RGS20: variants seen among roughly 807,000 people sequenced by gnomAD.
The protein encoded by RGS20 is gz-selective GTPase-activating protein.
RGS20 carries 30 observed loss-of-function variants against 33.6 expected under a neutral mutation model. The ratio of observed to expected loss-of-function variants is 0.89; its 90% CI spans 0.67 to 1.21. The LOEUF (loss-of-function observed/expected upper bound fraction) is 1.21, where lower values mean the gene tolerates loss of function less well. Ranked by LOEUF, RGS20 falls within the 50% of genes most tolerant of loss-of-function variation. RGS20 has a pLI of 0.00. For missense variants in RGS20, 472 were observed against 502.4 expected, an observed-to-expected ratio of 0.94 and a Z score of 0.58; for synonymous variants, 208 against 197.9, an observed-to-expected ratio of 1.05 and a Z score of -0.43.
At chr8:53,930,361 T>G (rs1813918524) in intron 2 of RGS20, among the ~76,000 whole-genome samples, 1 of 152,152 alleles carries the variant, frequency 6.6e-6, no homozygotes, top group Admixed American at 6.5e-5. Flanking sequence ...ATCAAAAATG[T>G]GCAAGACCTG....
chr8:53,953,456 G>A (rs1814768706), intron 4 of RGS20, among the ~76,000 whole-genome samples: 1 of 151,870 alleles, frequency 6.6e-6, no homozygotes, highest in South Asian at 2.1e-4. Context: ...AGTAAGTCGA[G>A]GCTTCAGTAA....
chr8:53,864,989 T>G (rs1811889304), intron 1 of RGS20, among the ~76,000 whole-genome samples: 1 of 152,168 alleles, frequency 6.6e-6, no homozygotes, highest in Non-Finnish European at 1.5e-5. Context: ...CAATGCCCGC[T>G]AACAAGTTCT....
chr8:53,957,315 A>G (rs1440108001), intron 5 of RGS20, among the ~76,000 whole-genome samples: 3 of 152,072 alleles, frequency 2.0e-5, no homozygotes, highest in Non-Finnish European at 4.4e-5. Context: ...TTTAGTAGAG[A>G]TGGGGTTTTG....
intron 1 of RGS20, among the ~76,000 whole-genome samples, chr8:53,852,820 C>G (rs1321966815): frequency 6.6e-6 from 1 of 152,142 alleles, no homozygotes; most frequent in Non-Finnish European, 1.5e-5. Context: ...TTCACCTGTT[C>G]TTTTGCCGCG....
At chr8:53,909,708 G>A (rs577502747) in intron 2 of RGS20, among the ~76,000 whole-genome samples, 1 of 152,280 alleles carries the variant, frequency 6.6e-6, no homozygotes, top group East Asian at 1.9e-4. Flanking sequence ...TCTTGCTTCT[G>A]GTAGAGAAGT....
Position 53,877,550 on chromosome 8 carries a change from CCACTTT to C in RGS20, c.166-1706_166-1701del, listed in dbSNP as rs1041845448. Among the ~76,000 whole-genome samples, 1 of 152,232 alleles carries C rather than the reference CCACTTT, an allele frequency of 6.6e-6. No individual in the cohort carries two copies. Among genetic ancestry groups the C allele is most frequent in the Non-Finnish European group, 1.5e-5 (1 of 68,034 alleles). ...GCGCCAAGACCGATTTCCAAGTCGCCCACTTTCCCCCTCGAGGGAGCTGTTGGCGCT... is the reference window on the plus strand; with the variant it reads ...GCGCCAAGACCGATTTCCAAGTCGCCCCCCCTCGAGGGAGCTGTTGGCGCT... On this transcript the variant is annotated intron_variant, in intron 1 of 5. Coordinates refer to ENST00000297313, the MANE Select transcript of RGS20 (RefSeq NM_170587.4). The surrounding 1 kb of genome is among the most constrained non-coding windows in gnomAD (Gnocchi z 5.7).
chr8:53,917,988 G>A (rs1813538010), intron 2 of RGS20, among the ~76,000 whole-genome samples: 1 of 152,136 alleles, frequency 6.6e-6, no homozygotes, highest in South Asian at 2.1e-4. Flanking sequence ...TATACAACAT[G>A]TGGACTTCGG....
At chr8:53,904,011 T>C (rs138207985) in intron 2 of RGS20, among the ~76,000 whole-genome samples, 197 of 152,090 alleles carry the variant, frequency 1.3e-3, no homozygotes, top group African/African-American at 4.4e-3. Context: ...GGAGTTAGGA[T>C]TGGGAGGAGT....
intron 1 of RGS20, among the ~76,000 whole-genome samples, chr8:53,867,891 T>G (rs1229178626): frequency 6.6e-6 from 1 of 152,010 alleles, no homozygotes; most frequent in Non-Finnish European, 1.5e-5. Context: ...CCTGTCTAAT[T>G]TTTTTGTATT....
At chr8:53,865,505 T>C (rs1375827878) in intron 1 of RGS20, among the ~76,000 whole-genome samples, 2 of 152,252 alleles carry the variant, frequency 1.3e-5, no homozygotes, top group Admixed American at 1.3e-4. Context: ...TCAACAATTA[T>C]CAACTCCAGA....
At position 53,890,746 on chromosome 8, in the gene RGS20, C is replaced by T. The variant is rs577894012; in HGVS notation, c.510+11144C>T. ...CTGGGCTCAAGCAGTCCTCCCACTT[C>T]AACCTCCTGAGTAGCTGGGATTACA... is the stretch of plus-strand genomic sequence containing the variant. On this transcript the variant is annotated intron_variant, in intron 2 of 5. Transcript: ENST00000297313. 9.2e-5 allele frequency among the ~76,000 whole-genome samples: 14 copies of T among 152,372 alleles called. 1 individual carries two copies. In the South Asian group the frequency reaches 2.9e-3, roughly 32 times the overall value.
chr8:53,871,598 C>T (rs1377945880), intron 1 of RGS20, among the ~76,000 whole-genome samples: 1 of 151,228 alleles, frequency 6.6e-6, no homozygotes, highest in Non-Finnish European at 1.5e-5. Flanking sequence ...GCTTGGGTGA[C>T]AGAGTGAGAG....
At chr8:53,902,745 A>G (rs1813064694) in intron 2 of RGS20, among the ~76,000 whole-genome samples, 2 of 149,226 alleles carry the variant, frequency 1.3e-5, no homozygotes, top group Admixed American at 1.3e-4. Context: ...TTTTTTTTGG[A>G]GACGGAGTCT....
intron 2 of RGS20, among the ~76,000 whole-genome samples, chr8:53,906,933 G>T (rs1813196321): frequency 6.6e-6 from 1 of 152,156 alleles, no homozygotes; most frequent in African/African-American, 2.4e-5. Context: ...AGACTCCCTT[G>T]TTTGTGTCCA....
Position 53,883,146 on chromosome 8 carries a change from C to T in RGS20, c.510+3544C>T, listed in dbSNP as rs145453126. Among the ~76,000 whole-genome samples the T allele has an allele frequency of 2.8e-3, 420 of 149,856 alleles. 5 individuals carry two copies. The highest frequency in any genetic ancestry group is 9.9e-3 in the African/African-American group (403 of 40,622). ...TGTTTATCTTCTGTTCGTTAAGTGA[C>T]ATCTTTCTTTCTTTTTTTTTTTTCT... On this transcript the variant is annotated intron_variant, in intron 2 of 5. Transcript: ENST00000297313.
intron 2 of RGS20, among the ~76,000 whole-genome samples, chr8:53,919,447 T>G (rs1273241637): frequency 6.6e-6 from 1 of 152,064 alleles, no homozygotes; most frequent in African/African-American, 2.4e-5. Flanking sequence ...GTTCAAGAGA[T>G]TCTCCTGCCT....
At chr8:53,906,846 C>A (rs1813193620) in intron 2 of RGS20, among the ~76,000 whole-genome samples, 1 of 152,098 alleles carries the variant, frequency 6.6e-6, no homozygotes, top group Admixed American at 6.6e-5. Flanking sequence ...GTATAGGGCA[C>A]AACTGAGGGA....
chr8:53,940,352 AAAAT>A (rs1814253741), intron 3 of RGS20, among the ~76,000 whole-genome samples: 1 of 152,334 alleles, frequency 6.6e-6, no homozygotes, highest in East Asian at 1.9e-4. Context: ...TTTACACCTA[AAAAT>A]CATGGGAACT....
chr8:53,944,996 T>A (rs1486812031), intron 3 of RGS20, among the ~76,000 whole-genome samples: 1 of 152,196 alleles, frequency 6.6e-6, no homozygotes, highest in African/African-American at 2.4e-5. Context: ...ATTGGATCCC[T>A]CAAATATTAC....
Sources: gnomAD v4.1 joint callset for allele counts (sites outside exome capture counted in the v4.1 genomes callset) on GRCh38, gnomAD v4.1.1 for gene constraint, Gnocchi (gnomAD v3.1) non-coding constraint, MANE v1.5 for transcripts, NCBI Gene and HGNC (gene_info 2026-07-23, HGNC 2026-07-21) for gene names.